The following NEDD4L variants were observed in gnomAD, a reference collection of about 807,000 sequenced individuals.
NEDD4L encodes the protein E3 ubiquitin-protein ligase NEDD4-like.
Under a neutral mutation model 148.9 loss-of-function variants are expected in NEDD4L, and 54 were observed. That is an observed-to-expected ratio of 0.36 (90% confidence interval 0.29 to 0.45). The LOEUF (loss-of-function observed/expected upper bound fraction) is 0.45, where lower values mean the gene tolerates loss of function less well. Among genes scored for constraint, NEDD4L ranks in the 20% least tolerant of loss-of-function variants. The pLI is 1.00. For synonymous variants in NEDD4L, 433 were observed against 440.7 expected (o/e 0.98, Z 0.22); for missense variants, 856 against 1,233.8 (o/e 0.69, Z 4.59).
At chr18:58,076,369 A>C (rs555028132) in intron 1 of NEDD4L, among the ~76,000 whole-genome samples, 12 of 152,240 alleles carry the variant, frequency 7.9e-5, no homozygotes, top group African/African-American at 2.9e-4. Context: ...AACTGGGTGC[A>C]GTAAAGCATA....
chr18:58,098,968 A>C (rs17064345), intron 1 of NEDD4L, among the ~76,000 whole-genome samples: 15,284 of 152,226 alleles, frequency 0.1, 921 homozygotes, highest in Admixed American at 0.16. Context: ...GCACCAGGTC[A>C]CTATTATTAT....
At chr18:58,350,079 C>T (rs557018501) in intron 17 of NEDD4L, among the ~76,000 whole-genome samples, 8 of 152,098 alleles carry the variant, frequency 5.3e-5, no homozygotes, top group Non-Finnish European at 1.0e-4. Flanking sequence ...TTGTTGGTGA[C>T]GGCTCAGTAG....
At chr18:58,190,995 CAGCTACTCAGGA>C (rs2040046298) in intron 2 of NEDD4L, among the ~76,000 whole-genome samples, 1 of 152,060 alleles carries the variant, frequency 6.6e-6, no homozygotes, top group Admixed American at 6.6e-5. Flanking sequence ...CCTGTAGCCC[CAGCTACTCAGGA>C]AGCTGAGGTG....
chr18:58,363,400 G>A (rs1477388755), intron 19 of NEDD4L, among the ~76,000 whole-genome samples: 4 of 152,130 alleles, frequency 2.6e-5, no homozygotes, highest in South Asian at 2.1e-4. Context: ...AGTTGTTTTC[G>A]AGGCTGTCAT....
chr18:58,336,308 T>G (rs190225293), intron 13 of NEDD4L, among the ~76,000 whole-genome samples: 200 of 152,320 alleles, frequency 1.3e-3, no homozygotes, highest in Non-Finnish European at 2.6e-3. Context: ...CCGGGCACGG[T>G]GGCTCACGCC....
intron 1 of NEDD4L, among the ~76,000 whole-genome samples, chr18:58,065,975 A>T (rs1211875320): frequency 2.0e-5 from 3 of 152,260 alleles, no homozygotes; most frequent in Non-Finnish European, 4.4e-5. Flanking sequence ...ATGTAATGGC[A>T]TATGAAATGC....
intron 1 of NEDD4L, among the ~76,000 whole-genome samples, chr18:58,068,212 T>G (rs1472345094): frequency 7.0e-6 from 1 of 143,516 alleles, no homozygotes; most frequent in African/African-American, 2.8e-5. Context: ...TTTTTTGTTT[T>G]GTTTTGAGAC....
chr18:58,303,940 G>A (rs574046741), intron 5 of NEDD4L, among the ~76,000 whole-genome samples: 2 of 152,292 alleles, frequency 1.3e-5, no homozygotes, highest in African/African-American at 4.8e-5. Context: ...TTATAGAGTT[G>A]CCCAAAGATG....
At chr18:58,136,964 C>A (rs1486819956) in intron 1 of NEDD4L, among the ~76,000 whole-genome samples, 1 of 152,158 alleles carries the variant, frequency 6.6e-6, no homozygotes, top group Non-Finnish European at 1.5e-5. Flanking sequence ...TTTAAAAAAG[C>A]ATTTAAAGAA....
At chr18:58,255,997 C>T (rs2048484370) in intron 5 of NEDD4L, 8 of 1,230,534 alleles carry the variant, frequency 6.5e-6, no homozygotes, top group South Asian at 8.2e-5. Context: ...GGCCTCCATG[C>T]GCAACGCCCG....
intron 24 of NEDD4L, among the ~76,000 whole-genome samples, chr18:58,382,174 G>A (rs1187536609): frequency 6.6e-6 from 1 of 152,234 alleles, no homozygotes; most frequent in African/African-American, 2.4e-5. Context: ...GGGAACAAGA[G>A]CCAGTGCGTG....
intron 1 of NEDD4L, among the ~76,000 whole-genome samples, chr18:58,111,209 A>G (rs1322282681): frequency 6.6e-6 from 1 of 152,094 alleles, no homozygotes; most frequent in Non-Finnish European, 1.5e-5. Flanking sequence ...CTAGGACTAC[A>G]AGCTCATGCC....
chr18:58,207,330 T>TC (rs397730657), intron 2 of NEDD4L, among the ~76,000 whole-genome samples: 5 of 151,590 alleles, frequency 3.3e-5, no homozygotes, highest in African/African-American at 9.7e-5. Context: ...TTTTTTTTTT[T>TC]CTGGGAAATT....
chr18:58,180,466 A>C (rs539115968), intron 2 of NEDD4L, among the ~76,000 whole-genome samples: 1 of 152,132 alleles, frequency 6.6e-6, no homozygotes, highest in Non-Finnish European at 1.5e-5. Flanking sequence ...ACATCGGCCC[A>C]GGGGCGTTGA....
chr18:58,364,229 A>AT (rs2146032705), intron 19 of NEDD4L, 39 bp from the exon 20 acceptor site: 1 of 1,227,682 alleles, frequency 8.1e-7, no homozygotes, highest in Non-Finnish European at 1.2e-6. Flanking sequence ...TTTCAGGTGT[A>AT]TTGTTTGCAT....
chr18:58,147,234 C>T (rs1192619113), intron 1 of NEDD4L, among the ~76,000 whole-genome samples: 1 of 152,118 alleles, frequency 6.6e-6, no homozygotes, highest in Non-Finnish European at 1.5e-5. Flanking sequence ...CAGGGTTTCC[C>T]AATGCAGGCG....
chr18:58,267,466 C>T (rs1011393483), intron 5 of NEDD4L, among the ~76,000 whole-genome samples: 8 of 152,018 alleles, frequency 5.3e-5, no homozygotes, highest in East Asian at 1.9e-4. Flanking sequence ...GAGGGCAAGG[C>T]GGGAGCTGAG....
intron 1 of NEDD4L, among the ~76,000 whole-genome samples, chr18:58,142,118 G>C (rs1306409340): frequency 4.1e-5 from 6 of 146,128 alleles, no homozygotes; most frequent in African/African-American, 1.3e-4. Context: ...GTGATCTGGG[G>C]TCACTGCAAG....
intron 1 of NEDD4L, among the ~76,000 whole-genome samples, chr18:58,079,122 G>A (rs2083312984): frequency 6.6e-6 from 1 of 152,198 alleles, no homozygotes; most frequent in Admixed American, 6.5e-5. Flanking sequence ...TAACCAGCAG[G>A]TCCTGCTGAT....
Sources: gnomAD v4.1 joint callset for allele counts (sites outside exome capture counted in the v4.1 genomes callset) on GRCh38, gnomAD v4.1.1 for gene constraint, MANE v1.5 for transcripts, NCBI Gene and HGNC (gene_info 2026-07-23, HGNC 2026-07-21) for gene names.